The following RGS6 variants were observed in gnomAD, a reference collection of about 807,000 sequenced individuals.
The protein encoded by RGS6 is regulator of G protein signaling 6, also known as regulator of G-protein signaling 6.
RGS6 carries 30 observed loss-of-function variants against 78.5 expected under a neutral mutation model. The ratio of observed to expected loss-of-function variants is 0.38; its 90% CI spans 0.29 to 0.52. The LOEUF (loss-of-function observed/expected upper bound fraction) is 0.52, where lower values mean the gene tolerates loss of function less well. Among genes scored for constraint, RGS6 ranks in the 20% least tolerant of loss-of-function variants. RGS6 has a pLI of 0.85. For missense variants in RGS6, 495 were observed against 609.7 expected, an observed-to-expected ratio of 0.81 and a Z score of 1.98; for synonymous variants, 206 against 206.0, an observed-to-expected ratio of 1.00 and a Z score of 0.00.
chr14:72,024,326 G>A (rs1384457747), intron 2 of RGS6, among the ~76,000 whole-genome samples: 5 of 152,146 alleles, frequency 3.3e-5, no homozygotes, highest in Non-Finnish European at 7.4e-5. Flanking sequence ...GTGCACACAG[G>A]ATTCAGATAC....
intron 2 of RGS6, among the ~76,000 whole-genome samples, chr14:72,252,327 A>G (rs1389469559): frequency 2.6e-5 from 4 of 152,230 alleles, no homozygotes; most frequent in African/African-American, 4.8e-5. Context: ...AGAAATTATT[A>G]ATGACCATCA....
intron 2 of RGS6, among the ~76,000 whole-genome samples, chr14:72,342,272 G>A (rs2077153893): frequency 1.3e-5 from 2 of 152,206 alleles, no homozygotes; most frequent in South Asian, 2.1e-4. Context: ...ACCCAATTAA[G>A]AAGCTCCCAG....
chr14:72,307,752 A>T (rs2067586309), intron 2 of RGS6, among the ~76,000 whole-genome samples: 1 of 152,146 alleles, frequency 6.6e-6, no homozygotes, highest in Admixed American at 6.5e-5. Flanking sequence ...CTATGACTCC[A>T]TGAAAAAATT....
intron 2 of RGS6, among the ~76,000 whole-genome samples, chr14:72,069,824 G>A (rs887898821): frequency 5.3e-5 from 8 of 152,248 alleles, no homozygotes; most frequent in African/African-American, 1.9e-4. Flanking sequence ...ACAGGTGTGG[G>A]CCACTGCGCC....
chr14:72,060,845 T>C (rs1012578035), intron 2 of RGS6, among the ~76,000 whole-genome samples: 1 of 152,258 alleles, frequency 6.6e-6, no homozygotes, highest in Non-Finnish European at 1.5e-5. Flanking sequence ...TTTTTTAGCA[T>C]GAACTTTCTC....
the RGS6 span, among the ~76,000 whole-genome samples, chr14:71,897,219 C>T: frequency 6.6e-6 from 1 of 152,204 alleles, no homozygotes; most frequent in Non-Finnish European, 1.5e-5. Context: ...TATCTGCCAG[C>T]AAGGCAGCAT....
intron 1 of RGS6, among the ~76,000 whole-genome samples, chr14:71,937,724 C>T (rs912484809): frequency 6.6e-6 from 1 of 152,180 alleles, no homozygotes; most frequent in African/African-American, 2.4e-5. Context: ...TTCCGTGAGT[C>T]CACAGATGGT....
At chr14:72,197,117 G>A (rs2040357232) in intron 2 of RGS6, among the ~76,000 whole-genome samples, 1 of 152,136 alleles carries the variant, frequency 6.6e-6, no homozygotes, top group Non-Finnish European at 1.5e-5. Flanking sequence ...CCAGGCTGGA[G>A]TGCAGTGGCA....
intron 2 of RGS6, among the ~76,000 whole-genome samples, chr14:72,078,124 A>G (rs2094657924): frequency 6.6e-6 from 1 of 152,142 alleles, no homozygotes; most frequent in South Asian, 2.1e-4. Context: ...GAGGCTTCTT[A>G]TGAATGGCTT....
At chr14:72,075,197 C>T (rs1827690720) in intron 2 of RGS6, among the ~76,000 whole-genome samples, 1 of 152,178 alleles carries the variant, frequency 6.6e-6, no homozygotes, top group East Asian at 1.9e-4. Flanking sequence ...CATTAGAAAA[C>T]TCGCCCATTT....
At chr14:72,533,527 G>C (rs913136230) in intron 15 of RGS6, among the ~76,000 whole-genome samples, 1 of 152,236 alleles carries the variant, frequency 6.6e-6, no homozygotes, top group Non-Finnish European at 1.5e-5. Flanking sequence ...AGCTGTCACA[G>C]ACAGTGATTC....
At chr14:72,539,970 G>C in intron 16 of RGS6, 71 bp from the exon 17 acceptor site, 1 of 1,350,294 alleles carries the variant, frequency 7.4e-7, no homozygotes, top group Non-Finnish European at 1.0e-6. Context: ...CTGCTGTTTG[G>C]GAACCACGTA....
intron 17 of RGS6, chr14:72,547,114 G>A (rs1432722287): frequency 6.6e-7 from 1 of 1,504,688 alleles, no homozygotes; most frequent in Non-Finnish European, 8.9e-7. Context: ...TAAACAGCGG[G>A]AAGGCCGACC....
At chr14:72,151,954 T>TTAAA (rs1234767735) in intron 2 of RGS6, among the ~76,000 whole-genome samples, 1 of 152,162 alleles carries the variant, frequency 6.6e-6, no homozygotes, top group Non-Finnish European at 1.5e-5. Flanking sequence ...GGAAGAAACA[T>TTAAA]GAACTTGAAA....
the RGS6 span, among the ~76,000 whole-genome samples, chr14:71,905,714 T>C: frequency 6.6e-6 from 1 of 152,200 alleles, no homozygotes; most frequent in Admixed American, 6.5e-5. Flanking sequence ...GGTCTCGAAC[T>C]CCTGAGCTCA....
At chr14:72,435,373 A>G (rs1336254083) in intron 3 of RGS6, among the ~76,000 whole-genome samples, 2 of 152,184 alleles carry the variant, frequency 1.3e-5, no homozygotes, top group African/African-American at 4.8e-5. Context: ...TTAGTAATAA[A>G]ACCCTGCTTT....
intron 3 of RGS6, among the ~76,000 whole-genome samples, chr14:72,407,896 C>T (rs1181109375): frequency 6.6e-6 from 1 of 152,106 alleles, no homozygotes; most frequent in Non-Finnish European, 1.5e-5. Context: ...GGGAGGTAGA[C>T]CAAACTATGA....
chr14:72,261,938 A>G (rs1014885596), intron 2 of RGS6, among the ~76,000 whole-genome samples: 17 of 152,170 alleles, frequency 1.1e-4, no homozygotes, highest in African/African-American at 4.1e-4. Context: ...TTATGTTTTG[A>G]TTTTTATCTT....
At chr14:72,493,101 C>T (rs1411899709) in intron 12 of RGS6, among the ~76,000 whole-genome samples, 1 of 152,166 alleles carries the variant, frequency 6.6e-6, no homozygotes, top group African/African-American at 2.4e-5. Flanking sequence ...AAGCCCCATC[C>T]ACACGCCCAC....
Sources: allele counts gnomAD v4.1 joint callset (sites outside exome capture counted in the v4.1 genomes callset), GRCh38; gene constraint gnomAD v4.1.1; transcripts MANE v1.5; gene names NCBI Gene and HGNC (gene_info 2026-07-23, HGNC 2026-07-21).